Variants in MBP observed in about 807,000 individuals in gnomAD.
The protein encoded by MBP is myelin basic protein.
In MBP, 16 loss-of-function variants were observed where a neutral mutation model predicts 35.8. That is an observed-to-expected ratio of 0.45 (90% CI 0.30 to 0.68). The LOEUF is 0.68. Among genes scored for constraint, MBP ranks in the 30% least tolerant of loss-of-function variants. The probability of loss-of-function intolerance (pLI) is 0.08; values close to 1 mark genes in which losing one functional copy is unlikely to be tolerated. For missense variants in MBP, 380 were observed against 404.7 expected, an observed-to-expected ratio of 0.94 and a Z score of 0.52; for synonymous variants, 143 against 159.6, an observed-to-expected ratio of 0.90 and a Z score of 0.78.
At chr18:77,033,265 G>T (rs1972606662) in intron 3 of MBP, among the ~76,000 whole-genome samples, 1 of 152,100 alleles carries the variant, frequency 6.6e-6, no homozygotes, top group African/African-American at 2.4e-5. Flanking sequence ...ACTCCACCCA[G>T]CCAAACATGG....
chr18:77,013,394 C>T (rs1971456408), intron 4 of MBP: 1 of 985,260 alleles, frequency 1.0e-6, no homozygotes, highest in Admixed American at 6.2e-5. Flanking sequence ...ATGGTACACG[C>T]CCCATGGGAT....
Position 77,009,745 on chromosome 18 carries a change from G to T in MBP, c.576+7087C>A, listed in dbSNP as rs1971224721. 3.9e-6 allele frequency: 4 copies of T among 1,025,420 alleles called. No individual in the cohort carries two copies. In the South Asian group the frequency reaches 6.2e-5, roughly 16 times the overall value. 63.5% of individuals were successfully genotyped at this position (1,025,420 alleles called of 1,614,324 possible). ...CAGATGCCCCGGAGGCTGGGGGTGGGCCCCTGGCAGTGACACTACCTGCCC... is the reference window on the plus strand; with the variant it reads ...CAGATGCCCCGGAGGCTGGGGGTGGTCCCCTGGCAGTGACACTACCTGCCC... On this transcript the variant is annotated intron_variant, in intron 4 of 8. Coordinates refer to ENST00000355994, the MANE Select transcript of MBP (RefSeq NM_001025101.2).
chr18:77,058,298 C>T (rs771645596), intron 3 of MBP, among the ~76,000 whole-genome samples: 47 of 152,322 alleles, frequency 3.1e-4, no homozygotes, highest in Non-Finnish European at 5.9e-4. Flanking sequence ...AGTGGCTCCG[C>T]TCTGGCTTCG....
intron 3 of MBP, among the ~76,000 whole-genome samples, chr18:77,049,511 G>A (rs1973395472): frequency 6.6e-6 from 1 of 152,026 alleles, no homozygotes. Context: ...TGGTTTGGGA[G>A]GAGTATTTTG....
At chr18:76,992,083 T>C (rs1969961308) in intron 4 of MBP, among the ~76,000 whole-genome samples, 2 of 152,134 alleles carry the variant, frequency 1.3e-5, no homozygotes, top group Admixed American at 1.3e-4. Context: ...ACACATCAGG[T>C]CTGAAGTTTT....
rs150645448 is a variant in MBP at position 77,091,860 on chromosome 18, T to C, written c.51+13351A>G. Reference sequence around the variant, plus strand: ...CACACCACACACCCATACATACATGTACACACGTGCACATACCACATATGC... The same window carrying C: ...CACACCACACACCCATACATACATGCACACACGTGCACATACCACATATGC... On this transcript the variant is annotated intron_variant, in intron 2 of 8. Transcript: ENST00000355994. Among the ~76,000 whole-genome samples the C allele has an allele frequency of 1.7e-3, 259 of 152,206 alleles. 6 individuals carry two copies. Among genetic ancestry groups the C allele is most frequent in the Non-Finnish European group, 4.3e-4 (29 of 68,020 alleles).
At chr18:77,076,620 G>A (rs950597089) in intron 2 of MBP, among the ~76,000 whole-genome samples, 1 of 152,244 alleles carries the variant, frequency 6.6e-6, no homozygotes, top group Non-Finnish European at 1.5e-5. Flanking sequence ...AAGCAGGAAC[G>A]ACTGTGCCAG....
chr18:77,037,412 C>T (rs893234359), intron 3 of MBP, among the ~76,000 whole-genome samples: 10 of 152,184 alleles, frequency 6.6e-5, no homozygotes, highest in South Asian at 2.1e-4. Flanking sequence ...CCAGTGAGGT[C>T]GGGAGTATGT....
chr18:77,014,423 C>A, intron 4 of MBP: 1 of 985,484 alleles, frequency 1.0e-6, no homozygotes, highest in Non-Finnish European at 1.2e-6. Context: ...TAGGGAGAAG[C>A]AGAACTGTGT....
chr18:77,133,086 C>G (rs369182152), upstream of MBP, among the ~76,000 whole-genome samples: 1,221 of 152,192 alleles, frequency 8.0e-3, 6 homozygotes, highest in Middle Eastern at 0.031. Flanking sequence ...GCTTGGCCTC[C>G]GAACCCACCC....
chr18:77,032,554 C>T (rs906542105), intron 3 of MBP, among the ~76,000 whole-genome samples: 9 of 152,350 alleles, frequency 5.9e-5, no homozygotes, highest in African/African-American at 1.9e-4. Flanking sequence ...GTCGGCGAGG[C>T]GCGGCCATGC....
chr18:77,097,729 A>G (rs9958028), intron 2 of MBP, among the ~76,000 whole-genome samples: 52,855 of 151,988 alleles, frequency 0.35, 10,517 homozygotes, highest in South Asian at 0.6. Flanking sequence ...GCTGTCTCCC[A>G]GCAATCGCTC....
At chr18:77,016,015 T>A in intron 4 of MBP, 1 of 985,260 alleles carries the variant, frequency 1.0e-6, no homozygotes, top group South Asian at 4.7e-5. Flanking sequence ...CACCAAACAC[T>A]CTAAACATCA....
chr18:77,047,102 C>A (rs1437397047), intron 3 of MBP, among the ~76,000 whole-genome samples: 1 of 152,184 alleles, frequency 6.6e-6, no homozygotes, highest in Admixed American at 6.5e-5. Context: ...TGGAGCCGAA[C>A]GTAACAGACA....
intron 3 of MBP, among the ~76,000 whole-genome samples, chr18:77,045,226 CATGTAA>C (rs1973186399): frequency 6.6e-6 from 1 of 152,150 alleles, no homozygotes; most frequent in Non-Finnish European, 1.5e-5. Flanking sequence ...CTCTGATCAC[CATGTAA>C]ATGTTACAGC....
At chr18:77,083,126 A>G (rs1265362008) in intron 2 of MBP, among the ~76,000 whole-genome samples, 5 of 152,072 alleles carry the variant, frequency 3.3e-5, no homozygotes, top group African/African-American at 7.2e-5. Flanking sequence ...ATGCCCTGCT[A>G]AGATTTTTTT....
chr18:77,128,521 CCACACACACACA>C (rs56770189), intron 1 of MBP, among the ~76,000 whole-genome samples: 3 of 147,734 alleles, frequency 2.0e-5, no homozygotes, highest in South Asian at 2.2e-4. Flanking sequence ...CACGTGCATA[CCACACACACACA>C]CACACACACA....
rs1244551341 is a variant in MBP, at chr18:77,020,618, T to C, written c.140-3350A>G. Among the ~76,000 whole-genome samples the C allele has an allele frequency of 2.6e-5, 4 of 152,276 alleles. No individual in the cohort carries two copies. Among genetic ancestry groups the C allele is most frequent in the Non-Finnish European group, 5.9e-5 (4 of 68,008 alleles). Reference sequence around the variant, plus strand: ...GTGACATGCTGTCTGTTAGGGAGGCTCGTTAGAGACCCTTCCCAGGGCTTT... The same window carrying C: ...GTGACATGCTGTCTGTTAGGGAGGCCCGTTAGAGACCCTTCCCAGGGCTTT... On this transcript the variant is annotated intron_variant, in intron 3 of 8. Coordinates refer to ENST00000355994, the MANE Select transcript of MBP (RefSeq NM_001025101.2). This position sits in a 1 kb window ranked among gnomAD's most constrained non-coding sequence, Gnocchi z 4.1.
intron 3 of MBP, among the ~76,000 whole-genome samples, chr18:77,042,247 C>T (rs1973039046): frequency 6.6e-6 from 1 of 152,132 alleles, no homozygotes; most frequent in Non-Finnish European, 1.5e-5. Context: ...CAGACAAAGG[C>T]ACGTGTTCTG....
Sources: allele counts gnomAD v4.1 joint callset (sites outside exome capture counted in the v4.1 genomes callset), GRCh38; gene constraint gnomAD v4.1.1; non-coding constraint Gnocchi (gnomAD v3.1); transcripts MANE v1.5; gene names NCBI Gene and HGNC (gene_info 2026-07-23, HGNC 2026-07-21).